The following ACACA variants were observed in gnomAD, a reference collection of about 807,000 sequenced individuals.
The protein encoded by ACACA is acetyl-CoA carboxylase alpha.
A neutral mutation model predicts 296.1 loss-of-function variants in ACACA; 103 were observed. That is an observed-to-expected ratio of 0.35 (90% CI 0.30 to 0.41). ACACA has a LOEUF of 0.41. Among genes scored for constraint, ACACA ranks in the 10% least tolerant of loss-of-function variants. The pLI, the probability that ACACA is intolerant of heterozygous loss-of-function variation, is 1.00. For synonymous variants in ACACA, 953 were observed against 1,038.6 expected (o/e 0.92, Z 1.58); for missense variants, 1,554 against 2,989.7 (o/e 0.52, Z 11.20).
rs1358364553 is a variant in ACACA, at chr17:37,406,555, C to G, written c.-256G>C. 1 of 599,742 alleles carries G rather than the reference C, an allele frequency of 1.7e-6. No homozygotes were observed. The highest frequency in any genetic ancestry group is 3.0e-6 in the Non-Finnish European group (1 of 337,362). 37.2% of individuals were successfully genotyped at this position (599,742 alleles called of 1,614,324 possible). The stretch of plus-strand genomic sequence containing the variant: ...ACAGGGGTGGAGATGGGAACGTTAT[C>G]CCCAAACCCAGGCAGTCCCGGCTCG... On this transcript the variant is annotated 5_prime_UTR_variant, in exon 1 of 56. Transcript: ENST00000616317.
intron 15 of ACACA, 87 bp downstream of exon 15, chr17:37,252,799 T>A: frequency 6.4e-7 from 1 of 1,553,162 alleles, no homozygotes; most frequent in Non-Finnish European, 8.8e-7. Context: ...TACATTAGAA[T>A]CAAATAAATT....
chr17:37,087,634 G>C (rs1360075516), intron 55 of ACACA, among the ~76,000 whole-genome samples, 195 bp from the exon 56 acceptor site: 1 of 152,052 alleles, frequency 6.6e-6, no homozygotes, highest in Non-Finnish European at 1.5e-5. Context: ...ATTTTGCTAT[G>C]TTGAAAAAGG....
At chr17:37,181,910 A>AAAAAAAAAAAAAAAAAAAAAG in intron 39 of ACACA, among the ~76,000 whole-genome samples, 1 of 146,990 alleles carries the variant, frequency 6.8e-6, no homozygotes, top group Non-Finnish European at 1.5e-5. Context: ...CAAAAAAAAA[A>AAAAAAAAAAAAAAAAAAAAAG]AAAAAAAAAA....
intron 40 of ACACA, among the ~76,000 whole-genome samples, 188 bp from the exon 41 acceptor site, chr17:37,179,594 A>G (rs989534733): frequency 1.3e-5 from 2 of 152,216 alleles, no homozygotes; most frequent in South Asian, 4.1e-4. Context: ...TTACATGCCA[A>G]AAGTCAGGCA....
chr17:37,384,568 A>G (rs934973825), intron 1 of ACACA, among the ~76,000 whole-genome samples: 5 of 152,354 alleles, frequency 3.3e-5, no homozygotes, highest in African/African-American at 1.2e-4. Flanking sequence ...AGATTAAAAA[A>G]AAAAACACAG....
At chr17:37,178,905 A>C (rs1195181725) in intron 41 of ACACA, among the ~76,000 whole-genome samples, 1 of 152,102 alleles carries the variant, frequency 6.6e-6, no homozygotes, top group Non-Finnish European at 1.5e-5. Context: ...TCAATGATCA[A>C]CTCACGACCA....
rs758448616 is a variant in ACACA at position 37,275,994 on chromosome 17, C to T, written c.858G>A (p.Val286=). 10 of 1,614,072 alleles carry T rather than the reference C, an allele frequency of 6.2e-6. No homozygotes were observed. The Admixed American group carries it at 1.7e-4, about 27-fold the overall frequency. ...ALGDKIASSI[V]AQTAGIPTLP... Reference sequence around the variant, plus strand: ...GAGTTGGGATACCTGCAGTTTGAGCCACTATGGAAGATGCAATCTTATCCC... The same window carrying T: ...GAGTTGGGATACCTGCAGTTTGAGCTACTATGGAAGATGCAATCTTATCCC... The change falls in exon 8 of 56, where the codon GTG becomes GTA. Residue 286 remains valine, a synonymous_variant. Coordinates refer to ENST00000616317, the MANE Select transcript of ACACA (RefSeq NM_198834.3).
At chr17:37,159,665 A>G (rs2076388007) in intron 42 of ACACA, among the ~76,000 whole-genome samples, 1 of 152,232 alleles carries the variant, frequency 6.6e-6, no homozygotes, top group South Asian at 2.1e-4. Context: ...TATGAACTTT[A>G]TTGAAATATA....
chr17:37,348,898 G>A (rs1177109563), intron 1 of ACACA, among the ~76,000 whole-genome samples: 21 of 148,302 alleles, frequency 1.4e-4, no homozygotes, highest in Admixed American at 2.0e-4. Flanking sequence ...ACAGTGAGCC[G>A]AGATCGCGCC....
chr17:37,326,542 A>G (rs1293261931), intron 3 of ACACA, among the ~76,000 whole-genome samples: 1 of 151,226 alleles, frequency 6.6e-6, no homozygotes, highest in Admixed American at 6.6e-5. Flanking sequence ...AAAAGAAAAA[A>G]AAAAAAGGCT....
chr17:37,089,180 G>T (rs2072436778), intron 54 of ACACA, 106 bp from the exon 55 acceptor site: 1 of 1,510,296 alleles, frequency 6.6e-7, no homozygotes, highest in Non-Finnish European at 9.1e-7. Context: ...TGTGCTCCGT[G>T]TCCACGATTC....
chr17:37,217,906 A>AG (rs987985984), intron 29 of ACACA, among the ~76,000 whole-genome samples: 4 of 151,896 alleles, frequency 2.6e-5, no homozygotes, highest in African/African-American at 9.6e-5. Flanking sequence ...TCTCTATGGG[A>AG]GGGGAAAAAA....
chr17:37,303,824 T>A (rs1461777290), intron 3 of ACACA, among the ~76,000 whole-genome samples: 1 of 152,132 alleles, frequency 6.6e-6, no homozygotes, highest in East Asian at 1.9e-4. Flanking sequence ...CGCCATTGCA[T>A]TCCAGCCTGG....
At chr17:37,114,776 A>G (rs1184390786) in intron 50 of ACACA, among the ~76,000 whole-genome samples, 1 of 152,188 alleles carries the variant, frequency 6.6e-6, no homozygotes, top group African/African-American at 2.4e-5. Context: ...ATCCTTTCTA[A>G]ATACCAAATA....
At chr17:37,123,257 GAAA>G (rs767071384) in intron 48 of ACACA, among the ~76,000 whole-genome samples, 1 of 152,148 alleles carries the variant, frequency 6.6e-6, no homozygotes, top group Admixed American at 6.5e-5. Flanking sequence ...TCCTTCCTTG[GAAA>G]AGACAAATGG....
chr17:37,141,218 TGGGCA>T, intron 45 of ACACA: 1 of 577,564 alleles, frequency 1.7e-6, no homozygotes. Context: ...GATTCCTTGA[TGGGCA>T]GGGAGAAGAG....
chr17:37,354,763 C>T (rs890165374), intron 1 of ACACA, among the ~76,000 whole-genome samples: 1 of 151,800 alleles, frequency 6.6e-6, no homozygotes, highest in Non-Finnish European at 1.5e-5. Flanking sequence ...CCACTCCACC[C>T]CACAAAAAAA....
At chr17:37,339,012 A>C (rs1390863170) in intron 2 of ACACA, among the ~76,000 whole-genome samples, 1 of 152,106 alleles carries the variant, frequency 6.6e-6, no homozygotes, top group Non-Finnish European at 1.5e-5. Context: ...AAAAAGAAAG[A>C]AAGGGGGAGG....
In ACACA at chr17:37,216,998, C is replaced by G. The variant is rs568808969; in HGVS notation, c.3683+4726G>C. On this transcript the variant is annotated intron_variant, in intron 29 of 55. Transcript: ENST00000616317. ...AAAAACAAGGGCAGGTGCAGTGGCTCACGCTCGTAATCCCAGCACTTTGGG... is the reference window on the plus strand; with the variant it reads ...AAAAACAAGGGCAGGTGCAGTGGCTGACGCTCGTAATCCCAGCACTTTGGG... Among the ~76,000 whole-genome samples, 7 of 152,164 alleles carry G rather than the reference C, an allele frequency of 4.6e-5. No homozygotes were observed. In the East Asian group the frequency reaches 1.4e-3, roughly 29 times the overall value.
Sources: gnomAD v4.1 joint callset for allele counts (sites outside exome capture counted in the v4.1 genomes callset) on GRCh38, gnomAD v4.1.1 for gene constraint, MANE v1.5 for transcripts, NCBI Gene and HGNC (gene_info 2026-07-23, HGNC 2026-07-21) for gene names.